The following PLCB1 variants were observed in gnomAD, a reference collection of about 807,000 sequenced individuals.
PLCB1 encodes 1-phosphatidylinositol 4,5-bisphosphate phosphodiesterase beta-1.
In PLCB1, 46 loss-of-function variants were observed where a neutral mutation model predicts 161.8. The observed-to-expected ratio is 0.28, with a 90% CI of 0.22 to 0.36. PLCB1 has a LOEUF of 0.36. Ranked by LOEUF, PLCB1 falls within the 10% of genes least tolerant of loss-of-function variation. The pLI is 1.00. For missense variants in PLCB1, 1,016 were observed against 1,472.5 expected (o/e 0.69, Z 5.07); for synonymous variants, 517 against 503.7 (o/e 1.03, Z -0.35).
intron 2 of PLCB1, among the ~76,000 whole-genome samples, chr20:8,316,425 C>CA (rs1444088906): frequency 1.1e-4 from 17 of 152,224 alleles, no homozygotes; most frequent in East Asian, 9.7e-4. Flanking sequence ...CCTGTAATGA[C>CA]TCCTTCTTTA....
chr20:8,617,877 AT>A (rs1988078354), intron 3 of PLCB1, among the ~76,000 whole-genome samples: 1 of 152,166 alleles, frequency 6.6e-6, no homozygotes, highest in Admixed American at 6.5e-5. Flanking sequence ...ATATACTGCT[AT>A]TTTTTAAGTA....
At chr20:8,852,141 T>A (rs1188184976) in intron 31 of PLCB1, among the ~76,000 whole-genome samples, 2 of 152,216 alleles carry the variant, frequency 1.3e-5, no homozygotes, top group Non-Finnish European at 2.9e-5. Context: ...TATCTCTGCC[T>A]CCTAATTATT....
intron 3 of PLCB1, among the ~76,000 whole-genome samples, chr20:8,396,674 C>T (rs1397545321): frequency 6.6e-6 from 1 of 151,994 alleles, no homozygotes; most frequent in African/African-American, 2.4e-5. Context: ...GAAAAAAATT[C>T]AACTAAATAA....
intron 2 of PLCB1, among the ~76,000 whole-genome samples, chr20:8,160,205 A>G (rs1338925938): frequency 6.6e-6 from 1 of 152,038 alleles, no homozygotes; most frequent in Non-Finnish European, 1.5e-5. Flanking sequence ...TGTTCATATC[A>G]TTATCAGCAT....
At chr20:8,175,799 A>C (rs1338803750) in intron 2 of PLCB1, among the ~76,000 whole-genome samples, 1 of 152,178 alleles carries the variant, frequency 6.6e-6, no homozygotes. Context: ...AGGACCTTCA[A>C]ATTCACAGGA....
chr20:8,242,579 G>A (rs1030653857), intron 2 of PLCB1, among the ~76,000 whole-genome samples: 2 of 151,954 alleles, frequency 1.3e-5, no homozygotes, highest in Admixed American at 1.3e-4. Flanking sequence ...AAAGGGTGGA[G>A]AGGCTGAGCG....
intron 2 of PLCB1, among the ~76,000 whole-genome samples, chr20:8,230,435 A>G (rs993429138): frequency 2.0e-5 from 3 of 152,024 alleles, no homozygotes; most frequent in Non-Finnish European, 2.9e-5. Context: ...TCTCCTAGCT[A>G]TTTTGAAATA....
rs1197811027 is a variant in PLCB1 at position 8,172,425 on chromosome 20, G to C, written c.177+22054G>C. ...GTAAATGTGAAGGTATGTGACTTCT[G>C]GGATAGTTTGACAAACAGTTCAAGA... On this transcript the variant is annotated intron_variant, in intron 2 of 31. Coordinates refer to ENST00000338037, the MANE Select transcript of PLCB1 (RefSeq NM_015192.4). Among the ~76,000 whole-genome samples, 3 of 152,308 alleles carry C rather than the reference G, an allele frequency of 2.0e-5. No individual in the cohort carries two copies. The East Asian group carries it at 5.8e-4, about 29-fold the overall frequency.
intron 12 of PLCB1, among the ~76,000 whole-genome samples, chr20:8,709,457 C>A (rs1190079731): frequency 2.6e-5 from 4 of 152,190 alleles, no homozygotes; most frequent in East Asian, 3.9e-4. Context: ...GAATGAAAGC[C>A]TCTCTTTCAT....
intron 3 of PLCB1, among the ~76,000 whole-genome samples, chr20:8,478,423 G>T (rs955136056): frequency 2.0e-5 from 3 of 152,044 alleles, no homozygotes; most frequent in Non-Finnish European, 2.9e-5. Context: ...GCTTCACAGA[G>T]CCAACAGAAC....
chr20:8,603,787 G>A (rs1453255862), intron 3 of PLCB1, among the ~76,000 whole-genome samples: 1 of 152,132 alleles, frequency 6.6e-6, no homozygotes, highest in Non-Finnish European at 1.5e-5. Context: ...AACATTAACA[G>A]CTTTCAATTT....
chr20:8,549,504 G>T (rs1023902747), intron 3 of PLCB1, among the ~76,000 whole-genome samples: 1 of 152,124 alleles, frequency 6.6e-6, no homozygotes, highest in African/African-American at 2.4e-5. Context: ...CCCATGTGTT[G>T]AGGGCAGGAC....
chr20:8,858,217 T>TCA (rs139789765), intron 31 of PLCB1, among the ~76,000 whole-genome samples: 9 of 151,768 alleles, frequency 5.9e-5, no homozygotes, highest in Admixed American at 6.6e-5. Flanking sequence ...TCATTTGCAC[T>TCA]CACACACACA....
At chr20:8,831,021 G>C (rs996111105) in intron 31 of PLCB1, among the ~76,000 whole-genome samples, 1 of 152,180 alleles carries the variant, frequency 6.6e-6, no homozygotes, top group Non-Finnish European at 1.5e-5. Context: ...GATTGCATTA[G>C]AATGTTGACT....
At chr20:8,772,525 G>A (rs1019977944) in intron 26 of PLCB1, among the ~76,000 whole-genome samples, 10 of 152,200 alleles carry the variant, frequency 6.6e-5, no homozygotes, top group Admixed American at 5.9e-4. Flanking sequence ...ACTCGGATAC[G>A]AGTGTGCCCG....
At chr20:8,733,208 C>G in intron 18 of PLCB1, 30 bp from the exon 19 acceptor site, 1 of 1,607,928 alleles carries the variant, frequency 6.2e-7, no homozygotes, top group East Asian at 2.2e-5. Context: ...TAGATAAACT[C>G]ACAATAAGGC....
At chr20:8,695,976 G>A (rs574487734) in intron 10 of PLCB1, among the ~76,000 whole-genome samples, 1 of 152,224 alleles carries the variant, frequency 6.6e-6, no homozygotes, top group African/African-American at 2.4e-5. Flanking sequence ...CATCACTTTA[G>A]TAGGGTATGT....
chr20:8,258,116 A>C (rs528419685), intron 2 of PLCB1, among the ~76,000 whole-genome samples: 10 of 152,296 alleles, frequency 6.6e-5, no homozygotes, highest in African/African-American at 2.2e-4. Context: ...CTCATTATGT[A>C]TGGCATGATT....
At chr20:8,643,763 CTCTCCCTCTCCCTCTT>C (rs937582808) in intron 4 of PLCB1, among the ~76,000 whole-genome samples, 9 of 147,086 alleles carry the variant, frequency 6.1e-5, no homozygotes, top group Non-Finnish European at 1.1e-4. Context: ...CTCCCTCTCC[CTCTCCCTCTCCCTCTT>C]TCTCCCTCTC....
Sources: allele counts gnomAD v4.1 joint callset (sites outside exome capture counted in the v4.1 genomes callset), GRCh38; gene constraint gnomAD v4.1.1; transcripts MANE v1.5; gene names NCBI Gene and HGNC (gene_info 2026-07-23, HGNC 2026-07-21).